RORA: variants seen among roughly 807,000 people sequenced by gnomAD.
The protein encoded by RORA is nuclear receptor ROR-alpha.
In RORA, 7 loss-of-function variants were observed where a neutral mutation model predicts 69.5. The ratio of observed to expected loss-of-function variants is 0.10; its 90% confidence interval spans 0.06 to 0.19. RORA has a LOEUF of 0.19. Among genes scored for constraint, RORA ranks in the 10% least tolerant of loss-of-function variants. The pLI, the probability that RORA is intolerant of heterozygous loss-of-function variation, is 1.00. For synonymous variants in RORA, 261 were observed against 240.8 expected, an observed-to-expected ratio of 1.08 and a Z score of -0.78; for missense variants, 457 against 663.0, an observed-to-expected ratio of 0.69 and a Z score of 3.41.
intron 1 of RORA, among the ~76,000 whole-genome samples, chr15:60,686,161 T>C (rs1243474877): frequency 6.6e-6 from 1 of 152,186 alleles, no homozygotes; most frequent in Non-Finnish European, 1.5e-5. Context: ...ACCAGAAGTA[T>C]GCCCTCTTTC....
At chr15:60,886,007 C>T (rs1348404644) in intron 1 of RORA, among the ~76,000 whole-genome samples, 1 of 152,190 alleles carries the variant, frequency 6.6e-6, no homozygotes, top group Non-Finnish European at 1.5e-5. Context: ...CTGACTTTTC[C>T]TAGGGAATCA....
At chr15:60,825,276 G>A (rs560401106) in intron 1 of RORA, among the ~76,000 whole-genome samples, 3 of 152,164 alleles carry the variant, frequency 2.0e-5, no homozygotes, top group African/African-American at 7.2e-5. Flanking sequence ...GTACTTCTAT[G>A]TTCACACCAC....
chr15:61,098,483 G>C (rs2078830247), intron 1 of RORA, among the ~76,000 whole-genome samples: 1 of 152,048 alleles, frequency 6.6e-6, no homozygotes, highest in Non-Finnish European at 1.5e-5. Flanking sequence ...TAAGCCTACA[G>C]GCACATGCCA....
chr15:61,146,459 TACAC>T (rs5813074), intron 1 of RORA, among the ~76,000 whole-genome samples: 28,558 of 149,202 alleles, frequency 0.19, 3,149 homozygotes, highest in African/African-American at 0.3. Flanking sequence ...CACATACACA[TACAC>T]ACACACACAC....
intron 2 of RORA, among the ~76,000 whole-genome samples, chr15:60,675,143 T>C (rs1463665767): frequency 6.6e-6 from 1 of 152,212 alleles, no homozygotes; most frequent in Middle Eastern, 3.2e-3. Flanking sequence ...AATGCAGAAC[T>C]ATCCAAGAAG....
At chr15:60,621,774 G>T (rs1462446283) in intron 2 of RORA, among the ~76,000 whole-genome samples, 2 of 151,998 alleles carry the variant, frequency 1.3e-5, no homozygotes, top group South Asian at 4.2e-4. Flanking sequence ...GGGGCCGGGC[G>T]CAGTAACTCA....
At chr15:60,760,348 TAGTCTGTTA>T (rs1209691634) in intron 1 of RORA, among the ~76,000 whole-genome samples, 1 of 152,180 alleles carries the variant, frequency 6.6e-6, no homozygotes, top group East Asian at 1.9e-4. Context: ...AGGATTCCCT[TAGTCTGTTA>T]ATTTACTTGG....
At chr15:61,077,855 A>G (rs2078475984) in intron 1 of RORA, among the ~76,000 whole-genome samples, 1 of 152,176 alleles carries the variant, frequency 6.6e-6, no homozygotes, top group African/African-American at 2.4e-5. Flanking sequence ...GTACCCTCAC[A>G]TGCAGGCCTG....
At chr15:61,047,908 C>G (rs1459653839) in intron 1 of RORA, among the ~76,000 whole-genome samples, 3 of 152,192 alleles carry the variant, frequency 2.0e-5, no homozygotes, top group African/African-American at 7.2e-5. Context: ...TTTTCCACGA[C>G]AGAACCATCC....
chr15:60,572,959 G>C (rs377100049), intron 2 of RORA, among the ~76,000 whole-genome samples: 1 of 152,260 alleles, frequency 6.6e-6, no homozygotes, highest in African/African-American at 2.4e-5. Flanking sequence ...AATTACACTG[G>C]CTGTGACACG....
At chr15:60,598,787 C>T (rs1437703780) in intron 2 of RORA, among the ~76,000 whole-genome samples, 1 of 152,126 alleles carries the variant, frequency 6.6e-6, no homozygotes, top group Non-Finnish European at 1.5e-5. Flanking sequence ...TAAGCACCTG[C>T]TAAGTATTGA....
rs574823757 is a variant in RORA at position 61,208,896 on chromosome 15, T to C, written c.166+20157A>G. 1.2e-4 allele frequency among the ~76,000 whole-genome samples: 19 copies of C among 152,374 alleles called. No homozygotes were observed. In the East Asian group the frequency reaches 3.7e-3, roughly 29 times the overall value. ...TCACAAACAGATGTGCCTGATTCAA[T>C]GACCAGAATGTTTTTGTGGTATATA... is the stretch of plus-strand genomic sequence containing the variant. On this transcript the variant is annotated intron_variant, in intron 1 of 10. Transcript: ENST00000335670.
At chr15:60,762,986 C>T (rs966490750) in intron 1 of RORA, among the ~76,000 whole-genome samples, 1 of 114,780 alleles carries the variant, frequency 8.7e-6, no homozygotes, top group Non-Finnish European at 1.8e-5. Context: ...TATTCATAAA[C>T]AAAAATGTTT....
intron 1 of RORA, among the ~76,000 whole-genome samples, chr15:61,109,863 T>C (rs190978817): frequency 6.6e-6 from 1 of 152,246 alleles, no homozygotes; most frequent in South Asian, 2.1e-4. Flanking sequence ...ACAGTGCCTA[T>C]GGCATTCTAA....
chr15:60,853,811 T>C (rs1237983314), intron 1 of RORA, among the ~76,000 whole-genome samples: 2 of 152,256 alleles, frequency 1.3e-5, no homozygotes, highest in Non-Finnish European at 1.5e-5. Flanking sequence ...ATCTCAATTG[T>C]TGTCCCTATT....
At chr15:61,224,034 A>G (rs2080123720) in intron 1 of RORA, among the ~76,000 whole-genome samples, 1 of 151,624 alleles carries the variant, frequency 6.6e-6, no homozygotes, top group East Asian at 1.9e-4. Flanking sequence ...AAAAAATGAT[A>G]GAAGAGAAAA....
intron 2 of RORA, among the ~76,000 whole-genome samples, chr15:60,634,776 T>C (rs1241924019): frequency 6.6e-6 from 1 of 152,192 alleles, no homozygotes; most frequent in Non-Finnish European, 1.5e-5. Flanking sequence ...CCTAGCCCCA[T>C]TGAATACTGG....
chr15:60,843,244 C>T (rs960539850), intron 1 of RORA, among the ~76,000 whole-genome samples: 10 of 152,174 alleles, frequency 6.6e-5, no homozygotes, highest in African/African-American at 2.2e-4. Context: ...TAAGCAGAGA[C>T]GCTCCCTGGT....
intron 1 of RORA, among the ~76,000 whole-genome samples, chr15:60,973,873 G>C (rs1328764801): frequency 1.3e-5 from 2 of 152,246 alleles, no homozygotes; most frequent in African/African-American, 2.4e-5. Flanking sequence ...CCATGGGGCT[G>C]CGGAGCCCCA....
Sources: allele counts gnomAD v4.1 joint callset (sites outside exome capture counted in the v4.1 genomes callset), GRCh38; gene constraint gnomAD v4.1.1; transcripts MANE v1.5; gene names NCBI Gene and HGNC (gene_info 2026-07-23, HGNC 2026-07-21).